The following SPAG1 variants were observed in gnomAD, a reference collection of about 807,000 sequenced individuals.
SPAG1 encodes the protein sperm associated antigen 1.
A neutral mutation model predicts 100.5 loss-of-function variants in SPAG1; 69 were observed. The ratio of observed to expected loss-of-function variants is 0.69; its 90% CI spans 0.57 to 0.84. SPAG1 has a LOEUF of 0.84. SPAG1 is among the 40% of genes least tolerant of loss of function. The probability of loss-of-function intolerance (pLI) is 0.00; values close to 1 mark genes in which losing one functional copy is unlikely to be tolerated. For missense variants in SPAG1, 955 were observed against 1,133.1 expected (o/e 0.84, Z 2.26); for synonymous variants, 336 against 411.6 (o/e 0.82, Z 2.22).
chr8:100,170,554 C>T (rs1218093329), intron 3 of SPAG1, among the ~76,000 whole-genome samples: 1 of 152,120 alleles, frequency 6.6e-6, no homozygotes, highest in East Asian at 1.9e-4. Flanking sequence ...CCCCTGTCCC[C>T]TAGCAACCAC....
intron 12 of SPAG1, 31 bp from the exon 13 acceptor site, chr8:100,220,248 A>C: frequency 6.3e-7 from 1 of 1,588,284 alleles, no homozygotes; most frequent in Non-Finnish European, 8.6e-7. Flanking sequence ...TTTTCAAAAC[A>C]AATGGTATGT....
intron 1 of SPAG1, among the ~76,000 whole-genome samples, chr8:100,159,243 T>C (rs1054091003): frequency 1.3e-5 from 2 of 152,222 alleles, no homozygotes; most frequent in Non-Finnish European, 2.9e-5. Context: ...ATCAATAATT[T>C]ACGAGTTCTT....
intron 3 of SPAG1, 43 bp downstream of exon 3, chr8:100,166,016 T>G: frequency 6.6e-7 from 1 of 1,504,262 alleles, no homozygotes; most frequent in Middle Eastern, 1.7e-4. Context: ...GTTGAGACAT[T>G]CTATATATGT....
At chr8:100,197,493 T>C (rs1817083369) in intron 10 of SPAG1, among the ~76,000 whole-genome samples, 1 of 152,104 alleles carries the variant, frequency 6.6e-6, no homozygotes, top group South Asian at 2.1e-4. Context: ...TATCAAACAG[T>C]CATTGTTTGA....
chr8:100,221,849 C>T (rs748612452), intron 13 of SPAG1, among the ~76,000 whole-genome samples: 3 of 152,206 alleles, frequency 2.0e-5, no homozygotes, highest in Non-Finnish European at 4.4e-5. Flanking sequence ...AAAATCAGAC[C>T]TTACCTTCCC....
At chr8:100,214,372 G>A (rs929599485) in intron 12 of SPAG1, among the ~76,000 whole-genome samples, 2 of 152,038 alleles carry the variant, frequency 1.3e-5, no homozygotes, top group East Asian at 3.8e-4. Context: ...GCTTACTCTC[G>A]CCCACCTTGT....
At chr8:100,218,008 G>A (rs1358602644) in intron 12 of SPAG1, among the ~76,000 whole-genome samples, 2 of 151,988 alleles carry the variant, frequency 1.3e-5, no homozygotes, top group Non-Finnish European at 1.5e-5. Context: ...GGCTAGTCTT[G>A]AACTCCTGGC....
chr8:100,240,864 G>GTTTTTTTTTTTTT (rs57110081), intron 18 of SPAG1, 27 bp from the exon 19 acceptor site: 16 of 1,389,214 alleles, frequency 1.2e-5, no homozygotes, highest in East Asian at 5.0e-5. Flanking sequence ...TTGGTTTTTT[G>GTTTTTTTTTTTTT]TTTTTTTTTT....
At chr8:100,229,445 CA>C (rs201798596) in intron 14 of SPAG1, among the ~76,000 whole-genome samples, 3 of 150,840 alleles carry the variant, frequency 2.0e-5, no homozygotes, top group South Asian at 2.1e-4. Flanking sequence ...CAAAACAAAA[CA>C]AAAAAAAACA....
chr8:100,200,408 C>T lies in SPAG1; in HGVS notation c.1096+6140C>T, dbSNP rs1380714926. ...TGTGAATAGTGCCACAATAAACATACGTGTGCATGTGTCTTTATAGCAGCA... is the reference window on the plus strand; with the variant it reads ...TGTGAATAGTGCCACAATAAACATATGTGTGCATGTGTCTTTATAGCAGCA... On this transcript the variant is annotated intron_variant, in intron 10 of 18. Coordinates refer to ENST00000388798, the MANE Select transcript of SPAG1 (RefSeq NM_003114.5). 1.4e-4 allele frequency among the ~76,000 whole-genome samples: 22 copies of T among 152,282 alleles called. No homozygotes were observed. The East Asian group carries it at 3.3e-3, about 23-fold the overall frequency.
At chr8:100,207,562 TGGTACA>T (rs1817561022) in intron 10 of SPAG1, among the ~76,000 whole-genome samples, 1 of 152,160 alleles carries the variant, frequency 6.6e-6, no homozygotes, top group Non-Finnish European at 1.5e-5. Context: ...GTGCACCTGG[TGGTACA>T]CTTTGCATAG....
chr8:100,186,412 C>T (rs1218599223), intron 7 of SPAG1, among the ~76,000 whole-genome samples: 1 of 152,082 alleles, frequency 6.6e-6, no homozygotes, highest in Non-Finnish European at 1.5e-5. Flanking sequence ...TGTTAACTTA[C>T]ATCAACGGTT....
rs1482463002 is a variant in SPAG1 at position 100,184,660 on chromosome 8, A to T, written c.628A>T (p.Thr210Ser). The T allele has an allele frequency of 6.3e-7, 1 of 1,582,890 alleles. No individual in the cohort carries two copies. The highest frequency in any genetic ancestry group is 8.6e-7 in the Non-Finnish European group (1 of 1,169,498). Residue 210 changes from threonine (T) to serine (S), a missense_variant, in exon 7 of 19, where the codon ACT becomes TCT. Coordinates refer to ENST00000388798, the MANE Select transcript of SPAG1 (RefSeq NM_003114.5). Reference sequence around the variant, plus strand: ...TGAGAAAGAAAAGGATTTTCTTGCCACTCGTGAAAAGGAGAAAGGAAATGA... The same window carrying T: ...TGAGAAAGAAAAGGATTTTCTTGCCTCTCGTGAAAAGGAGAAAGGAAATGA... ...LTEKEKDFLA[T>S]REKEKGNEAF...
At chr8:100,223,885 A>C (rs1818389549) in intron 13 of SPAG1, among the ~76,000 whole-genome samples, 1 of 152,126 alleles carries the variant, frequency 6.6e-6, no homozygotes, top group African/African-American at 2.4e-5. Context: ...ACCAAAGATC[A>C]CTATGGAAAT....
At chr8:100,222,664 G>A (rs1237879483) in intron 13 of SPAG1, among the ~76,000 whole-genome samples, 2 of 152,182 alleles carry the variant, frequency 1.3e-5, no homozygotes, top group Admixed American at 1.3e-4. Flanking sequence ...AGGTATTTTA[G>A]GAAGTCTAAT....
At chr8:100,214,746 G>A (rs1247383506) in intron 12 of SPAG1, among the ~76,000 whole-genome samples, 1 of 152,012 alleles carries the variant, frequency 6.6e-6, no homozygotes, top group Non-Finnish European at 1.5e-5. Context: ...ATTTTGGCAG[G>A]CCAAGGTGGG....
intron 3 of SPAG1, among the ~76,000 whole-genome samples, chr8:100,166,332 C>T (rs1815554883): frequency 1.3e-5 from 2 of 151,868 alleles, no homozygotes; most frequent in Non-Finnish European, 2.9e-5. Flanking sequence ...GATCTTGGCT[C>T]ACTGCAACCT....
At chr8:100,190,303 ACT>A (rs1256120093) in intron 8 of SPAG1, among the ~76,000 whole-genome samples, 1 of 144,838 alleles carries the variant, frequency 6.9e-6, no homozygotes, top group Non-Finnish European at 1.5e-5. Flanking sequence ...ACAGAGCAAG[ACT>A]CTGTCTCAAA....
In SPAG1 at chr8:100,240,882, T is replaced by C. The variant is rs1306187695; in HGVS notation, c.2650-9T>C. ...GTTTTTTGTTTTTTTTTTTTTTTGC[T>C]TCTTTTAGATGATGTTGACACTAAT... On this transcript the variant is annotated splice_polypyrimidine_tract_variant and intron_variant, in intron 18 of 18. Transcript: ENST00000388798. 4 of 1,565,352 alleles carry C rather than the reference T, an allele frequency of 2.6e-6. No individual in the cohort carries two copies. Among genetic ancestry groups the C allele is most frequent in the South Asian group, 2.4e-5 (2 of 83,408 alleles).
Sources: gnomAD v4.1 joint callset for allele counts (sites outside exome capture counted in the v4.1 genomes callset) on GRCh38, gnomAD v4.1.1 for gene constraint, MANE v1.5 for transcripts, NCBI Gene and HGNC (gene_info 2026-07-23, HGNC 2026-07-21) for gene names.